MGAT4C: variants seen among roughly 807,000 people sequenced by gnomAD.
MGAT4C encodes the protein MGAT4 family member C.
Under a neutral mutation model 40.1 loss-of-function variants are expected in MGAT4C, and 19 were observed. That is an observed-to-expected ratio of 0.47 (90% CI 0.33 to 0.70). The LOEUF is 0.70. Among genes scored for constraint, MGAT4C ranks in the 30% least tolerant of loss-of-function variants. The probability of loss-of-function intolerance (pLI) is 0.02; values close to 1 mark genes in which losing one functional copy is unlikely to be tolerated. For synonymous variants in MGAT4C, 181 were observed against 187.1 expected, an observed-to-expected ratio of 0.97 and a Z score of 0.27; for missense variants, 491 against 563.2, an observed-to-expected ratio of 0.87 and a Z score of 1.30.
At chr12:86,336,896 T>C (rs534027228) in intron 3 of MGAT4C, among the ~76,000 whole-genome samples, 90 of 152,294 alleles carry the variant, frequency 5.9e-4, no homozygotes, top group African/African-American at 2.1e-3. Flanking sequence ...CAAGACAATA[T>C]AACTTAATAT....
At chr12:86,787,236 AT>A (rs778491851) in intron 1 of MGAT4C, among the ~76,000 whole-genome samples, 105 of 152,238 alleles carry the variant, frequency 6.9e-4, no homozygotes, top group South Asian at 1.7e-3. Flanking sequence ...AAGTGAGAAT[AT>A]GCAGTATTTG....
intron 1 of MGAT4C, among the ~76,000 whole-genome samples, chr12:86,787,179 C>A (rs1951943605): frequency 6.6e-6 from 1 of 152,066 alleles, no homozygotes; most frequent in Non-Finnish European, 1.5e-5. Flanking sequence ...TAGTCTGAGT[C>A]TTCACTCTCT....
intron 2 of MGAT4C, among the ~76,000 whole-genome samples, chr12:86,552,291 A>G (rs1201826076): frequency 1.3e-5 from 2 of 152,212 alleles, no homozygotes; most frequent in East Asian, 3.9e-4. Flanking sequence ...TAATCAGTGC[A>G]TGTTCTTACT....
intron 2 of MGAT4C, among the ~76,000 whole-genome samples, chr12:86,650,807 A>G (rs1298849463): frequency 6.6e-6 from 1 of 151,910 alleles, no homozygotes; most frequent in Non-Finnish European, 1.5e-5. Flanking sequence ...GATTTGCTAA[A>G]TACTTTCATA....
intron 4 of MGAT4C, among the ~76,000 whole-genome samples, chr12:86,309,675 C>T (rs1222656348): frequency 2.6e-5 from 4 of 152,182 alleles, no homozygotes; most frequent in African/African-American, 9.7e-5. Context: ...CAAACCATTG[C>T]AACAGGTTAG....
chr12:86,073,995 C>T (rs1869132752), intron 1 of MGAT4C, among the ~76,000 whole-genome samples: 1 of 152,014 alleles, frequency 6.6e-6, no homozygotes, highest in Non-Finnish European at 1.5e-5. Context: ...AATTGTACCT[C>T]CCAGAATTTT....
At chr12:86,549,695 C>T (rs1045662896) in intron 2 of MGAT4C, among the ~76,000 whole-genome samples, 1 of 152,180 alleles carries the variant, frequency 6.6e-6, no homozygotes, top group Non-Finnish European at 1.5e-5. Flanking sequence ...ATGCTTGATG[C>T]TCACCACCAC....
At chr12:86,751,275 A>C (rs145645356) in intron 1 of MGAT4C, among the ~76,000 whole-genome samples, 10 of 152,028 alleles carry the variant, frequency 6.6e-5, no homozygotes, top group African/African-American at 2.4e-4. Context: ...AATCCAAAAA[A>C]ATATAGAGCC....
chr12:86,315,071 C>G (rs972377772), intron 4 of MGAT4C, among the ~76,000 whole-genome samples: 1 of 148,938 alleles, frequency 6.7e-6, no homozygotes, highest in Non-Finnish European at 1.5e-5. Flanking sequence ...AAATAAAAAA[C>G]AGAACAAAGC....
rs1593033949 is a variant in MGAT4C at position 86,603,507 on chromosome 12, TAGTCTATAGTCTATAG to T, written c.-229+123686_-229+123701del. The stretch of plus-strand genomic sequence containing the variant: ...TAGACTATATAATATATACTATATA[TAGTCTATAGTCTATAG>T]ACTATATATAGTCTATAGACTATAG... On this transcript the variant is annotated intron_variant, in intron 2 of 7. Coordinates refer to the MGAT4C transcript ENST00000548651. Among the ~76,000 whole-genome samples the T allele has an allele frequency of 2.7e-4, 6 of 22,366 alleles. No individual in the cohort carries two copies. In the East Asian group the frequency reaches 0.011, roughly 41 times the overall value. 14.7% of individuals were successfully genotyped at this position (22,366 alleles called of 152,430 possible).
chr12:86,779,360 C>A (rs1367402571), intron 1 of MGAT4C, among the ~76,000 whole-genome samples: 2 of 151,796 alleles, frequency 1.3e-5, no homozygotes, highest in Non-Finnish European at 2.9e-5. Flanking sequence ...TTTGGGAGGC[C>A]AACGTGGGAG....
chr12:86,747,003 A>C (rs1298569425), intron 1 of MGAT4C, among the ~76,000 whole-genome samples: 1 of 151,618 alleles, frequency 6.6e-6, no homozygotes, highest in African/African-American at 2.4e-5. Flanking sequence ...GTAATGACTC[A>C]TACTAGGTGC....
chr12:86,003,008 C>A (rs547970636), intron 2 of MGAT4C, among the ~76,000 whole-genome samples: 73 of 152,006 alleles, frequency 4.8e-4, no homozygotes, highest in Non-Finnish European at 6.9e-4. Context: ...ACCATGTTGC[C>A]CAGGCTGGTC....
rs576916806 is a variant in MGAT4C at position 86,473,105 on chromosome 12, G to A, written c.-228-37840C>T. Among the ~76,000 whole-genome samples, 21 of 152,098 alleles carry A rather than the reference G, an allele frequency of 1.4e-4. No homozygotes were observed. The South Asian group carries it at 2.7e-3, about 20-fold the overall frequency. On this transcript the variant is annotated intron_variant, in intron 2 of 7. Coordinates refer to the MGAT4C transcript ENST00000548651. ...CAAATACCTGGGATTACAAGCATAC[G>A]CCTCCACGTCCGGCTAATTTTTTGT...
chr12:86,292,289 T>A (rs529179355), intron 4 of MGAT4C, among the ~76,000 whole-genome samples: 41 of 151,258 alleles, frequency 2.7e-4, no homozygotes, highest in African/African-American at 1.0e-3. Context: ...ATTAAAATAT[T>A]TTTTTAAAAT....
At chr12:86,826,064 C>A (rs980166044) in intron 1 of MGAT4C, among the ~76,000 whole-genome samples, 1 of 151,244 alleles carries the variant, frequency 6.6e-6, no homozygotes, top group Non-Finnish European at 1.5e-5. Context: ...TATCCAGGAC[C>A]CAACAAGCTC....
At chr12:86,003,690 T>A (rs1181672256) in intron 2 of MGAT4C, among the ~76,000 whole-genome samples, 1 of 152,160 alleles carries the variant, frequency 6.6e-6, no homozygotes, top group African/African-American at 2.4e-5. Flanking sequence ...TATTAAGTAA[T>A]AAATACTCAC....
At chr12:86,433,344 ATG>A (rs985925306) in intron 3 of MGAT4C, among the ~76,000 whole-genome samples, 3 of 102,200 alleles carry the variant, frequency 2.9e-5, no homozygotes, top group Non-Finnish European at 6.7e-5. Flanking sequence ...ACACACGTGT[ATG>A]TGTGTGTGTG....
chr12:86,151,404 A>G (rs991971067), intron 1 of MGAT4C, among the ~76,000 whole-genome samples: 3 of 152,134 alleles, frequency 2.0e-5, no homozygotes, highest in Non-Finnish European at 4.4e-5. Flanking sequence ...CGACGTCAGG[A>G]GATCAAGACC....
Sources: allele counts gnomAD v4.1 joint callset (sites outside exome capture counted in the v4.1 genomes callset), GRCh38; gene constraint gnomAD v4.1.1; transcripts MANE v1.5; gene names NCBI Gene and HGNC (gene_info 2026-07-23, HGNC 2026-07-21).